The following XRN1 variants were observed in gnomAD, a reference collection of about 807,000 sequenced individuals.
The protein encoded by XRN1 is strand-exchange protein 1 homolog.
XRN1 carries 67 observed loss-of-function variants against 222.3 expected under a neutral mutation model. The ratio of observed to expected loss-of-function variants is 0.30; its 90% CI spans 0.25 to 0.37. XRN1 has a LOEUF of 0.37. Among genes scored for constraint, XRN1 ranks in the 10% least tolerant of loss-of-function variants. XRN1 has a pLI of 1.00. For missense variants in XRN1, 1,707 were observed against 2,000.2 expected (o/e 0.85, Z 2.80); for synonymous variants, 643 against 652.4 (o/e 0.99, Z 0.22).
intron 2 of XRN1, among the ~76,000 whole-genome samples, chr3:142,428,050 C>T (rs2069334709): frequency 6.6e-6 from 1 of 152,166 alleles, no homozygotes. Context: ...GCTGACCAAA[C>T]GATTATTCAA....
chr3:142,398,436 A>G (rs1425491589), intron 19 of XRN1, among the ~76,000 whole-genome samples: 1 of 151,004 alleles, frequency 6.6e-6, no homozygotes, highest in Non-Finnish European at 1.5e-5. Flanking sequence ...GAGTGATCAT[A>G]GCTCACTGCA....
intron 36 of XRN1, among the ~76,000 whole-genome samples, chr3:142,330,480 C>G (rs1342067623): frequency 6.6e-6 from 1 of 151,940 alleles, no homozygotes; most frequent in Non-Finnish European, 1.5e-5. Context: ...AAACTTCTTA[C>G]TAATATAGAT....
chr3:142,430,712 T>C (rs548533185), intron 2 of XRN1, among the ~76,000 whole-genome samples: 22 of 152,324 alleles, frequency 1.4e-4, no homozygotes, highest in Middle Eastern at 3.4e-3. Flanking sequence ...CCATTATGAT[T>C]GAAGGACTCA....
intron 3 of XRN1, 54 bp downstream of exon 3, chr3:142,426,690 A>T: frequency 2.0e-6 from 3 of 1,527,988 alleles, no homozygotes; most frequent in Non-Finnish European, 2.7e-6. Context: ...TTTAAAAACC[A>T]AGTTTTCAAT....
chr3:142,425,934 C>T (rs995891733), intron 3 of XRN1, among the ~76,000 whole-genome samples: 46 of 150,948 alleles, frequency 3.0e-4, no homozygotes, highest in African/African-American at 1.1e-3. Context: ...ATCAGATTGT[C>T]AATAATAATA....
chr3:142,426,726 G>T lies in XRN1; in HGVS notation c.406+18C>A. 6.3e-7 allele frequency: 1 copy of T among 1,586,700 alleles called. No homozygotes were observed. The highest frequency in any genetic ancestry group is 8.6e-7 in the Non-Finnish European group (1 of 1,163,392). ...TTATATTTCAATTCTGTCATAATTT[G>T]TCTCTCAGTGAATTTACCTGGTGTG... On this transcript the variant is annotated intron_variant, in intron 3 of 40. Coordinates refer to ENST00000392981, the MANE Select transcript of XRN1 (RefSeq NM_001282857.2).
At chr3:142,328,795 G>A (rs13087972) in intron 37 of XRN1, among the ~76,000 whole-genome samples, 1 of 116,794 alleles carries the variant, frequency 8.6e-6, no homozygotes, top group Non-Finnish European at 1.8e-5. Context: ...GTCTTGCTCT[G>A]TTGCCCAGGC....
Position 142,372,901 on chromosome 3 carries a change from G to A in XRN1, c.2979-1573C>T, listed in dbSNP as rs530878925. Among the ~76,000 whole-genome samples, 166 of 152,316 alleles carry A rather than the reference G, an allele frequency of 1.1e-3. 1 individual carries two copies. The highest frequency in any genetic ancestry group is 1.7e-3 in the South Asian group (8 of 4,826). ...AACATGCAGGTAGTGATACTAGGAGGTCCTCTGTAGAAACAGGAAAGTCCC... is the reference window on the plus strand; with the variant it reads ...AACATGCAGGTAGTGATACTAGGAGATCCTCTGTAGAAACAGGAAAGTCCC... On this transcript the variant is annotated intron_variant, in intron 25 of 40. Coordinates refer to ENST00000392981, the MANE Select transcript of XRN1 (RefSeq NM_001282857.2).
rs2069017204 is a variant in XRN1 at position 142,421,189 on chromosome 3, TTAAGTA to T, written c.1036-42_1036-37del. The T allele has an allele frequency of 2.0e-6, 3 of 1,488,616 alleles. No homozygotes were observed. In the African/African-American group the frequency reaches 4.3e-5, roughly 21 times the overall value. The allele number at this position is 1,488,616 out of a possible 1,614,324, so 92.2% of individuals were successfully genotyped here. On this transcript the variant is annotated intron_variant, in intron 9 of 40. Transcript: ENST00000392981. ...ATATTTAAATTTATTTTTAAATAATTTAAGTATATCTAGAAGAATACAAATCAAACT... is the reference window on the plus strand; with the variant it reads ...ATATTTAAATTTATTTTTAAATAATTTATCTAGAAGAATACAAATCAAACT...
intron 31 of XRN1, among the ~76,000 whole-genome samples, chr3:142,356,304 T>C (rs1041190721): frequency 4.9e-4 from 74 of 152,180 alleles, no homozygotes; most frequent in African/African-American, 1.7e-3. Flanking sequence ...TAGAGGACTT[T>C]TGCTTGTGTT....
chr3:142,398,760 A>G (rs1222309854), intron 19 of XRN1, among the ~76,000 whole-genome samples: 1 of 152,230 alleles, frequency 6.6e-6, no homozygotes, highest in Non-Finnish European at 1.5e-5. Flanking sequence ...GGGATAGACG[A>G]CAAAGTTAAA....
At chr3:142,394,821 T>C (rs1020986436) in intron 20 of XRN1, among the ~76,000 whole-genome samples, 7 of 152,208 alleles carry the variant, frequency 4.6e-5, no homozygotes, top group African/African-American at 1.2e-4. Context: ...TTACTGGTGA[T>C]TTTCATCAGA....
At chr3:142,400,866 G>A (rs1214968223) in intron 18 of XRN1, among the ~76,000 whole-genome samples, 1 of 152,014 alleles carries the variant, frequency 6.6e-6, no homozygotes, top group Non-Finnish European at 1.5e-5. Context: ...GCAGTGAGGT[G>A]AGATTGCACC....
At chr3:142,414,077 G>A in intron 14 of XRN1, 58 bp downstream of exon 14, 1 of 1,437,018 alleles carries the variant, frequency 7.0e-7, no homozygotes, top group Non-Finnish European at 9.3e-7. Flanking sequence ...TTCTAGGTTT[G>A]GAGGAAGAGC....
At chr3:142,330,053 G>T (rs984356716) in intron 36 of XRN1, among the ~76,000 whole-genome samples, 1 of 152,166 alleles carries the variant, frequency 6.6e-6, no homozygotes, top group Non-Finnish European at 1.5e-5. Context: ...TTAAGATAAA[G>T]ATTTTAAAAT....
intron 33 of XRN1, among the ~76,000 whole-genome samples, chr3:142,342,946 T>C (rs553357819): frequency 1.3e-4 from 19 of 151,960 alleles, no homozygotes; most frequent in Non-Finnish European, 2.2e-4. Context: ...TTAAAAAACT[T>C]CTACACAGCA....
intron 24 of XRN1, 161 bp from the exon 25 acceptor site, chr3:142,376,105 A>G (rs2067136709): frequency 5.5e-6 from 7 of 1,270,262 alleles, no homozygotes; most frequent in Non-Finnish European, 7.2e-6. Flanking sequence ...GGTTATTTCC[A>G]AAGTAGCAGT....
At chr3:142,438,436 G>A (rs982514737) in intron 1 of XRN1, among the ~76,000 whole-genome samples, 3 of 152,116 alleles carry the variant, frequency 2.0e-5, no homozygotes, top group African/African-American at 4.8e-5. Flanking sequence ...TAACTAATCC[G>A]ATAAGCAGAG....
At chr3:142,357,512 G>A (rs553145473) in intron 30 of XRN1, among the ~76,000 whole-genome samples, 3 of 151,790 alleles carry the variant, frequency 2.0e-5, no homozygotes, top group Admixed American at 6.6e-5. Context: ...CTGCAGTTTC[G>A]AACTCCTGGG....
Sources: allele counts gnomAD v4.1 joint callset (sites outside exome capture counted in the v4.1 genomes callset), GRCh38; gene constraint gnomAD v4.1.1; transcripts MANE v1.5; gene names NCBI Gene and HGNC (gene_info 2026-07-23, HGNC 2026-07-21).